The following WWOX variants were observed in gnomAD, a reference collection of about 807,000 sequenced individuals.
The protein encoded by WWOX is WW domain-containing oxidoreductase.
In WWOX, 69 loss-of-function variants were observed where a neutral mutation model predicts 46.2. The observed-to-expected ratio is 1.49, with a 90% confidence interval of 1.23 to 1.82. The LOEUF is 1.82. WWOX is among the 40% of genes most tolerant of loss of function. The pLI is 0.00. For missense variants in WWOX, 919 were observed against 542.6 expected (o/e 1.69, Z -6.89); for synonymous variants, 359 against 202.6 (o/e 1.77, Z -6.56).
At position 78,288,650 on chromosome 16, in the gene WWOX, A is replaced by G. The variant is rs146912822; in HGVS notation, c.517-98210A>G. ...TGATACATTTGCAAGGTCTCTCTTT[A>G]TATTCCTGAATTTTGCATCCCTAGA... On this transcript the variant is annotated intron_variant, in intron 5 of 8. Transcript: ENST00000566780. Among the ~76,000 whole-genome samples, 95 of 152,246 alleles carry G rather than the reference A, an allele frequency of 6.2e-4. 1 individual carries two copies. The highest frequency in any genetic ancestry group is 3.7e-3 in the East Asian group (19 of 5,176).
intron 8 of WWOX, among the ~76,000 whole-genome samples, chr16:79,108,488 A>C (rs1485667313): frequency 6.6e-6 from 1 of 152,240 alleles, no homozygotes; most frequent in Non-Finnish European, 1.5e-5. Flanking sequence ...TTGCAGATGA[A>C]GGGATTGTCC....
intron 8 of WWOX, among the ~76,000 whole-genome samples, chr16:78,751,770 G>A (rs997958720): frequency 6.6e-6 from 1 of 151,500 alleles, no homozygotes; most frequent in Non-Finnish European, 1.5e-5. Context: ...AGGAAGGGAA[G>A]AAGGAGGGAG....
rs187168211 is a variant in WWOX at position 78,581,080 on chromosome 16, A to C, written c.1056+148328A>C. ...GAGTGGTTGATTTTTTTTTTAATCT[A>C]AGAGCTTTCTTGGTTATTTTCTGTT... On this transcript the variant is annotated intron_variant, in intron 8 of 8. Coordinates refer to ENST00000566780, the MANE Select transcript of WWOX (RefSeq NM_016373.4). Among the ~76,000 whole-genome samples the C allele has an allele frequency of 3.5e-3, 540 of 152,246 alleles. 1 individual carries two copies. The highest frequency in any genetic ancestry group is 6.0e-3 in the Non-Finnish European group (408 of 68,006).
At chr16:78,349,769 C>T (rs2081153993) in intron 5 of WWOX, among the ~76,000 whole-genome samples, 1 of 120,880 alleles carries the variant, frequency 8.3e-6, no homozygotes, top group Admixed American at 8.1e-5. Flanking sequence ...CAATGCCTTG[C>T]GGTGACAAAT....
chr16:78,426,884 G>T (rs951996965), intron 7 of WWOX, among the ~76,000 whole-genome samples: 3 of 152,130 alleles, frequency 2.0e-5, no homozygotes, highest in Non-Finnish European at 2.9e-5. Context: ...GGATGGTCTC[G>T]ATCTCTTGAC....
At chr16:78,815,576 A>G (rs2051307919) in intron 8 of WWOX, among the ~76,000 whole-genome samples, 1 of 152,180 alleles carries the variant, frequency 6.6e-6, no homozygotes, top group Non-Finnish European at 1.5e-5. Flanking sequence ...CCCAATGCGT[A>G]AGCTGTCCTC....
At chr16:78,310,095 C>T (rs1458260518) in intron 5 of WWOX, among the ~76,000 whole-genome samples, 2 of 151,866 alleles carry the variant, frequency 1.3e-5, no homozygotes, top group African/African-American at 4.8e-5. Flanking sequence ...TTCTTTCTAT[C>T]ATCATCCATA....
intron 8 of WWOX, among the ~76,000 whole-genome samples, chr16:78,742,232 T>C (rs73571688): frequency 0.034 from 5,137 of 152,292 alleles, 199 homozygotes; most frequent in African/African-American, 0.093. Context: ...TCAAAACTTA[T>C]TTTTACTGAT....
At chr16:78,781,689 C>T (rs1002743937) in intron 8 of WWOX, among the ~76,000 whole-genome samples, 2 of 152,224 alleles carry the variant, frequency 1.3e-5, no homozygotes, top group Non-Finnish European at 2.9e-5. Flanking sequence ...GCAAGAGAAT[C>T]GCCTGAACTT....
At chr16:78,216,726 C>A (rs140762963) in intron 5 of WWOX, among the ~76,000 whole-genome samples, 122 of 151,558 alleles carry the variant, frequency 8.0e-4, no homozygotes, top group African/African-American at 2.9e-3. Context: ...GGGTCCTCTC[C>A]CTATTTATTT....
chr16:78,438,975 G>C (rs935208929), intron 8 of WWOX, among the ~76,000 whole-genome samples: 18 of 152,138 alleles, frequency 1.2e-4, no homozygotes, highest in Admixed American at 1.1e-3. Context: ...AATTTAAAAC[G>C]TAATGAAGGA....
At chr16:78,716,380 A>G (rs945145335) in intron 8 of WWOX, among the ~76,000 whole-genome samples, 1 of 152,052 alleles carries the variant, frequency 6.6e-6, no homozygotes, top group Admixed American at 6.6e-5. Context: ...AAAAGAGTAC[A>G]TTGCTGTTCT....
intron 8 of WWOX, among the ~76,000 whole-genome samples, chr16:79,141,576 G>A (rs2050089611): frequency 2.0e-5 from 3 of 152,332 alleles, no homozygotes; most frequent in South Asian, 4.1e-4. Context: ...TTTGTAGAAG[G>A]TCGAGTTCTC....
chr16:78,332,152 A>G (rs141898699), intron 5 of WWOX, among the ~76,000 whole-genome samples: 1 of 152,080 alleles, frequency 6.6e-6, no homozygotes, highest in African/African-American at 2.4e-5. Flanking sequence ...GCCCACCTAC[A>G]TCCTGGGTTA....
chr16:79,072,286 C>T (rs1446685829), intron 8 of WWOX, among the ~76,000 whole-genome samples: 1 of 152,066 alleles, frequency 6.6e-6, no homozygotes, highest in Admixed American at 6.5e-5. Flanking sequence ...ACTGTCCCCC[C>T]AACCCCCCAA....
At chr16:78,707,560 G>A (rs959924845) in intron 8 of WWOX, among the ~76,000 whole-genome samples, 2 of 152,106 alleles carry the variant, frequency 1.3e-5, no homozygotes, top group Non-Finnish European at 2.9e-5. Context: ...CAGAAATAAA[G>A]GCTACAGATG....
chr16:78,757,490 G>A (rs973000102), intron 8 of WWOX, among the ~76,000 whole-genome samples: 1 of 152,122 alleles, frequency 6.6e-6, no homozygotes, highest in Non-Finnish European at 1.5e-5. Context: ...GACCCTGGCT[G>A]CATGAGCTTG....
rs147160487 is a variant in WWOX, at chr16:78,122,247, G to C, written c.409+7093G>C. 8.0e-3 allele frequency among the ~76,000 whole-genome samples: 1,225 copies of C among 152,238 alleles called. 9 individuals are homozygous for C. The highest frequency in any genetic ancestry group is 0.013 in the Admixed American group (202 of 15,290). ...TTGGAACGCATCTCCCGAGGATAAGGGGGGGCTACTGTCAGTGTGAACCTG... is the reference window on the plus strand; with the variant it reads ...TTGGAACGCATCTCCCGAGGATAAGCGGGGGCTACTGTCAGTGTGAACCTG... On this transcript the variant is annotated intron_variant, in intron 4 of 8. Coordinates refer to ENST00000566780, the MANE Select transcript of WWOX (RefSeq NM_016373.4).
chr16:78,730,787 A>G (rs1169545037), intron 8 of WWOX, among the ~76,000 whole-genome samples: 1 of 151,966 alleles, frequency 6.6e-6, no homozygotes, highest in Non-Finnish European at 1.5e-5. Context: ...TTAGGAAAAA[A>G]AAGTGACACA....
Sources: allele counts gnomAD v4.1 joint callset (sites outside exome capture counted in the v4.1 genomes callset), GRCh38; gene constraint gnomAD v4.1.1; transcripts MANE v1.5; gene names NCBI Gene and HGNC (gene_info 2026-07-23, HGNC 2026-07-21).